ALK: variants seen among roughly 807,000 people sequenced by gnomAD.
ALK encodes the protein ALK receptor tyrosine kinase, also known as ALK tyrosine kinase receptor.
A neutral mutation model predicts 163.1 loss-of-function variants in ALK; 74 were observed. The observed-to-expected ratio is 0.45, with a 90% CI of 0.38 to 0.55. The LOEUF (loss-of-function observed/expected upper bound fraction) is 0.55. ALK is among the 20% of genes least tolerant of loss of function. The pLI is 0.00. For missense variants in ALK, 2,063 were observed against 2,105.3 expected, an observed-to-expected ratio of 0.98 and a Z score of 0.39; for synonymous variants, 960 against 843.2, an observed-to-expected ratio of 1.14 and a Z score of -2.40.
At chr2:29,772,995 A>G (rs990323478) in intron 1 of ALK, among the ~76,000 whole-genome samples, 1 of 151,782 alleles carries the variant, frequency 6.6e-6, no homozygotes, top group Non-Finnish European at 1.5e-5. Flanking sequence ...TCCCACATTT[A>G]TCTTTGTTGT....
chr2:29,415,204 A>T (rs1669840499), intron 4 of ALK, among the ~76,000 whole-genome samples: 1 of 151,040 alleles, frequency 6.6e-6, no homozygotes, highest in South Asian at 2.1e-4. Flanking sequence ...ATAAAGCAAA[A>T]ATAACATCAG....
At chr2:29,598,139 T>G (rs1413351323) in intron 3 of ALK, among the ~76,000 whole-genome samples, 1 of 152,188 alleles carries the variant, frequency 6.6e-6, no homozygotes, top group African/African-American at 2.4e-5. Context: ...GCGATTCTCC[T>G]GCCTCACCTC....
chr2:29,521,711 A>G (rs1453982975), intron 4 of ALK, among the ~76,000 whole-genome samples: 10 of 152,214 alleles, frequency 6.6e-5, no homozygotes, highest in Admixed American at 5.9e-4. Context: ...TAAGTGGGTC[A>G]TGGTGTTTCC....
Position 29,886,423 on chromosome 2 carries a change from AG to A in ALK, c.667+33569del, listed in dbSNP as rs1572469844. Among the ~76,000 whole-genome samples, 3 of 152,264 alleles carry A rather than the reference AG, an allele frequency of 2.0e-5. No individual in the cohort carries two copies. The East Asian group carries it at 5.8e-4, about 29-fold the overall frequency. ...TAAGAATAATCCATCATGCATGTGT[AG>A]TACCCTGGCCCTATACCTATCTATT... is the stretch of plus-strand genomic sequence containing the variant. On this transcript the variant is annotated intron_variant, in intron 1 of 28. Coordinates refer to ENST00000389048, the MANE Select transcript of ALK (RefSeq NM_004304.5).
chr2:29,367,251 A>T (rs1668530342), intron 5 of ALK, among the ~76,000 whole-genome samples: 1 of 152,186 alleles, frequency 6.6e-6, no homozygotes, highest in South Asian at 2.1e-4. Context: ...GTTCCAGTGT[A>T]TTGAGAAACA....
intron 1 of ALK, among the ~76,000 whole-genome samples, chr2:29,901,591 G>A (rs983688390): frequency 1.3e-5 from 2 of 152,190 alleles, no homozygotes; most frequent in Admixed American, 6.5e-5. Flanking sequence ...TGGCCAAGCC[G>A]CTCATCTCTC....
intron 4 of ALK, among the ~76,000 whole-genome samples, chr2:29,401,891 G>A (rs576128769): frequency 2.0e-4 from 30 of 152,278 alleles, no homozygotes; most frequent in African/African-American, 6.3e-4. Flanking sequence ...GGTCTGACAC[G>A]AAATTTAAAA....
At chr2:29,882,692 G>A (rs1449605952) in intron 1 of ALK, among the ~76,000 whole-genome samples, 2 of 152,114 alleles carry the variant, frequency 1.3e-5, no homozygotes, top group African/African-American at 4.8e-5. Flanking sequence ...CAACAACAAC[G>A]ACAACGAACT....
Position 29,207,154 on chromosome 2 carries a change from G to A in ALK, c.3938+17C>T, listed in dbSNP as rs1295309612. Reference sequence around the variant, plus strand: ...CTTATGGCTGCAGGGATACCTGGAGGATGATGGCTGACTTACCATGTGTCT... The same window carrying A: ...CTTATGGCTGCAGGGATACCTGGAGAATGATGGCTGACTTACCATGTGTCT... On this transcript the variant is annotated intron_variant, in intron 26 of 28. Coordinates refer to ENST00000389048, the MANE Select transcript of ALK (RefSeq NM_004304.5). 3.1e-6 allele frequency: 5 copies of A among 1,596,246 alleles called. No homozygotes were observed. Among genetic ancestry groups the A allele is most frequent in the Middle Eastern group, 1.7e-4 (1 of 5,922 alleles).
chr2:29,905,240 C>T (rs979111164), intron 1 of ALK, among the ~76,000 whole-genome samples: 4 of 152,202 alleles, frequency 2.6e-5, no homozygotes, highest in Non-Finnish European at 5.9e-5. Context: ...GAAATGCAAA[C>T]ACCACTGCTT....
chr2:29,228,784 TGGGCAGGCCA>T, intron 16 of ALK, 90 bp downstream of exon 16: 1 of 812,808 alleles, frequency 1.2e-6, no homozygotes, highest in South Asian at 1.4e-5. Context: ...AGTCCACACT[TGGGCAGGCCA>T]GGGGAGGGCA....
rs75682279 is a variant in ALK at position 29,346,490 on chromosome 2, G to A, written c.1283-18009C>T. Among the ~76,000 whole-genome samples, 118 of 152,304 alleles carry A rather than the reference G, an allele frequency of 7.7e-4. 1 individual carries two copies. In the East Asian group the frequency reaches 0.016, roughly 21 times the overall value. On this transcript the variant is annotated intron_variant, in intron 5 of 28. Transcript: ENST00000389048. ...GCCACCAAGCTGTTGGCATCTCTCA[G>A]GGCCACCAGCATCCCCGAAATGCCC...
At chr2:29,482,925 T>C (rs78010768) in intron 4 of ALK, among the ~76,000 whole-genome samples, 5,907 of 152,260 alleles carry the variant, frequency 0.039, 172 homozygotes, top group Non-Finnish European at 0.061. Flanking sequence ...AGAGTGCCAA[T>C]GGCAGCATGC....
chr2:29,327,770 CTGG>C (rs1667313174), intron 6 of ALK, among the ~76,000 whole-genome samples: 1 of 152,174 alleles, frequency 6.6e-6, no homozygotes, highest in African/African-American at 2.4e-5. Flanking sequence ...GATGGATCCA[CTGG>C]ATTGTGGGGG....
intron 3 of ALK, among the ~76,000 whole-genome samples, chr2:29,606,790 A>C (rs1394377108): frequency 6.6e-6 from 1 of 152,048 alleles, no homozygotes; most frequent in African/African-American, 2.4e-5. Flanking sequence ...TTTGTATCTG[A>C]CTCTACAGAA....
intron 13 of ALK, among the ~76,000 whole-genome samples, chr2:29,236,999 G>T (rs796415321): frequency 6.6e-6 from 1 of 152,112 alleles, no homozygotes; most frequent in Non-Finnish European, 1.5e-5. Flanking sequence ...CCCCAGATTT[G>T]CTCCTTCCAC....
At chr2:29,909,073 T>C (rs1158865670) in intron 1 of ALK, among the ~76,000 whole-genome samples, 1 of 152,220 alleles carries the variant, frequency 6.6e-6, no homozygotes. Context: ...GAGATCTATA[T>C]GGTATCTCAG....
intron 3 of ALK, among the ~76,000 whole-genome samples, chr2:29,683,980 G>T (rs532609755): frequency 6.6e-5 from 10 of 152,318 alleles, no homozygotes; most frequent in Admixed American, 3.3e-4. Flanking sequence ...TTCAACTTAC[G>T]TTGAACCAGT....
chr2:29,602,603 C>A (rs1257534094), intron 3 of ALK, among the ~76,000 whole-genome samples: 1 of 152,142 alleles, frequency 6.6e-6, no homozygotes, highest in East Asian at 1.9e-4. Flanking sequence ...GACTACCAGA[C>A]ACAGAGGGTC....
Sources: allele counts gnomAD v4.1 joint callset (sites outside exome capture counted in the v4.1 genomes callset), GRCh38; gene constraint gnomAD v4.1.1; transcripts MANE v1.5; gene names NCBI Gene and HGNC (gene_info 2026-07-23, HGNC 2026-07-21).